The following SERP2 variants were observed in gnomAD, a reference collection of about 807,000 sequenced individuals.
SERP2 encodes the protein stress-associated endoplasmic reticulum protein 2.
A neutral mutation model predicts 9.1 loss-of-function variants in SERP2; 6 were observed. The observed-to-expected ratio is 0.66, with a 90% CI of 0.36 to 1.30. The LOEUF (loss-of-function observed/expected upper bound fraction) is 1.30, where lower values mean the gene tolerates loss of function less well. Among genes scored for constraint, SERP2 ranks in the 50% most tolerant of loss-of-function variants. The probability of loss-of-function intolerance (pLI) is 0.03; values close to 1 mark genes in which losing one functional copy is unlikely to be tolerated. For synonymous variants in SERP2, 37 were observed against 27.3 expected (o/e 1.35, Z -1.10); for missense variants, 58 against 81.9 (o/e 0.71, Z 1.13).
chr13:44,374,181 G>GGGGGTGGGGGGGGTGGGGGGGGGGGGC, intron 1 of SERP2, 72 bp downstream of exon 1: 1 of 448,636 alleles, frequency 2.2e-6, no homozygotes, highest in Non-Finnish European at 3.5e-6. Flanking sequence ...TGGGGGCGGG[G>GGGGGTGGGGGGGGTGGGGGGGGGGGGC]CCGGGCGGGT....
rs4617734 is a variant in SERP2, at chr13:44,395,082, C to T, written c.158-2190C>T. ...AAGTCAACTTGTTCGTCAGGATTAG[C>T]GATAGTTCCCTGATCACAAGAACAA... On this transcript the variant is annotated intron_variant, in intron 2 of 2. Transcript: ENST00000379179. Among the ~76,000 whole-genome samples, 1,066 of 152,322 alleles carry T rather than the reference C, an allele frequency of 7.0e-3. 22 individuals carry two copies. Among genetic ancestry groups the T allele is most frequent in the Admixed American group, 0.036 (557 of 15,304 alleles).
chr13:44,379,730 G>T lies in SERP2; in HGVS notation c.157+17G>T. On this transcript the variant is annotated intron_variant, in intron 2 of 2. Coordinates refer to ENST00000379179, the MANE Select transcript of SERP2 (RefSeq NM_001010897.3). The stretch of plus-strand genomic sequence containing the variant: ...GTGGCTCAGGTATGGGTGTTTCACT[G>T]AACTTATATCCCATGTTCTCCACTG... The T allele has an allele frequency of 1.9e-6, 3 of 1,576,712 alleles. No individual in the cohort carries two copies. Among genetic ancestry groups the T allele is most frequent in the South Asian group, 1.1e-5 (1 of 88,366 alleles).
At chr13:44,380,357 T>C (rs981632247) in intron 2 of SERP2, among the ~76,000 whole-genome samples, 1 of 152,162 alleles carries the variant, frequency 6.6e-6, no homozygotes, top group African/African-American at 2.4e-5. Context: ...AGGTCACTTC[T>C]TCTAACTACA....
chr13:44,395,624 A>G (rs997263039), intron 2 of SERP2, among the ~76,000 whole-genome samples: 2 of 149,822 alleles, frequency 1.3e-5, no homozygotes, highest in African/African-American at 4.9e-5. Flanking sequence ...AAAAAAAAAA[A>G]GACCCACCCA....
intron 2 of SERP2, among the ~76,000 whole-genome samples, chr13:44,380,952 T>C (rs1016338955): frequency 1.3e-5 from 2 of 152,194 alleles, no homozygotes; most frequent in African/African-American, 4.8e-5. Flanking sequence ...TCTAAGCACC[T>C]TGAATCATCA....
Position 44,397,294 on chromosome 13 carries a change from C to T in SERP2, c.180C>T (p.Ser60=), listed in dbSNP as rs781026727. Residue 60 remains serine (S), a synonymous_variant, in exon 3 of 3, where the codon AGC becomes AGT. Transcript: ENST00000379179. Reference sequence around the variant, plus strand: ...CAGCTATCTTTCAGATCATTCAGAGCATAAGGATGGGCATGTGAGAAAGCC... The same window carrying T: ...CAGCTATCTTTCAGATCATTCAGAGTATAAGGATGGGCATGTGAGAAAGCC... ...CGSAIFQIIQ[S]IRMGM is the part of the protein sequence containing the mutation. The T allele has an allele frequency of 1.9e-6, 3 of 1,613,660 alleles. No homozygotes were observed. The highest frequency in any genetic ancestry group is 2.2e-5 in the South Asian group (2 of 91,080).
intron 2 of SERP2, among the ~76,000 whole-genome samples, chr13:44,385,429 G>A (rs58923333): frequency 0.012 from 1,873 of 152,274 alleles, 43 homozygotes; most frequent in African/African-American, 0.042. Context: ...GCTGCCCCAC[G>A]CCCCCCAGAT....
chr13:44,377,244 T>C (rs1871710594), intron 1 of SERP2, among the ~76,000 whole-genome samples: 1 of 152,258 alleles, frequency 6.6e-6, no homozygotes, highest in Non-Finnish European at 1.5e-5. Context: ...GGACTCTATT[T>C]GGTATCTGTC....
At chr13:44,383,637 T>G (rs975956760) in intron 2 of SERP2, among the ~76,000 whole-genome samples, 1 of 137,808 alleles carries the variant, frequency 7.3e-6, no homozygotes, top group African/African-American at 2.7e-5. Flanking sequence ...AACCTCCACC[T>G]CCCAGGTTCA....
intron 2 of SERP2, among the ~76,000 whole-genome samples, chr13:44,380,502 C>T (rs1871911270): frequency 6.6e-6 from 1 of 151,908 alleles, no homozygotes; most frequent in Admixed American, 6.6e-5. Flanking sequence ...AAGAGAAGCC[C>T]ATGACTAAAG....
At chr13:44,394,373 T>C (rs1232414624) in intron 2 of SERP2, among the ~76,000 whole-genome samples, 1 of 152,220 alleles carries the variant, frequency 6.6e-6, no homozygotes, top group Non-Finnish European at 1.5e-5. Context: ...TCTGCCCACC[T>C]TGGCCTCCCA....
intron 2 of SERP2, among the ~76,000 whole-genome samples, chr13:44,386,477 G>A (rs1011850014): frequency 6.6e-6 from 1 of 152,158 alleles, no homozygotes; most frequent in African/African-American, 2.4e-5. Context: ...TCCACCTCCT[G>A]GGTTCAAGTG....
chr13:44,391,109 G>T (rs1216714053), intron 2 of SERP2: 1 of 152,148 alleles, frequency 6.6e-6, no homozygotes, highest in Non-Finnish European at 1.5e-5. Context: ...ACCTGGCAGG[G>T]TTCCAGCTTT....
chr13:44,395,203 TTTAA>T (rs1258661253), intron 2 of SERP2, among the ~76,000 whole-genome samples: 1 of 152,226 alleles, frequency 6.6e-6, no homozygotes, highest in African/African-American at 2.4e-5. Context: ...AGAATGTTTA[TTTAA>T]TTTTTACTCC....
intron 2 of SERP2, among the ~76,000 whole-genome samples, chr13:44,387,879 A>G (rs914883175): frequency 4.0e-5 from 6 of 151,632 alleles, no homozygotes; most frequent in African/African-American, 1.5e-4. Flanking sequence ...TTATTTCTCT[A>G]CTCTTTCTCT....
rs1296035141 is a variant in SERP2, at chr13:44,397,407, C to G, written c.*95C>G. ...TTCTGCGGGAAACAAGCAGGCCACA[C>G]GGAATAGAAAAAAACGCTCCCCCAC... On this transcript the variant is annotated 3_prime_UTR_variant, in exon 3 of 3. Transcript: ENST00000379179. The G allele has an allele frequency of 4.1e-6, 4 of 985,040 alleles. No individual in the cohort carries two copies. The highest frequency in any genetic ancestry group is 6.4e-6 in the Non-Finnish European group (4 of 624,072). The allele number at this position is 985,040 out of a possible 1,614,324, so 61.0% of individuals were successfully genotyped here. A position where few individuals can be genotyped will look rare whatever the true frequency, so the allele number is the denominator to read the frequency against.
chr13:44,396,097 G>C (rs1016317242), intron 2 of SERP2: 25 of 210,270 alleles, frequency 1.2e-4, no homozygotes, highest in African/African-American at 5.8e-4. Flanking sequence ...GTGATGATGG[G>C]TACAGTGTTT....
chr13:44,388,923 A>G (rs1872480883), intron 2 of SERP2, among the ~76,000 whole-genome samples: 1 of 152,190 alleles, frequency 6.6e-6, no homozygotes, highest in Non-Finnish European at 1.5e-5. Flanking sequence ...ATGGTGAGGA[A>G]GAAGAAAAGT....
At chr13:44,377,908 A>C (rs1871754040) in intron 1 of SERP2, among the ~76,000 whole-genome samples, 1 of 152,244 alleles carries the variant, frequency 6.6e-6, no homozygotes, top group African/African-American at 2.4e-5. Context: ...CATGAACAAG[A>C]CATAGTCCCT....
Sources: allele counts gnomAD v4.1 joint callset (sites outside exome capture counted in the v4.1 genomes callset), GRCh38; gene constraint gnomAD v4.1.1; transcripts MANE v1.5; gene names NCBI Gene and HGNC (gene_info 2026-07-23, HGNC 2026-07-21).